KCND3: variants seen among roughly 807,000 people sequenced by gnomAD.
KCND3 encodes potassium voltage-gated channel subfamily D member 3, also known as A-type voltage-gated potassium channel KCND3.
KCND3 carries 9 observed loss-of-function variants against 51.1 expected under a neutral mutation model. The observed-to-expected ratio is 0.18, with a 90% CI of 0.11 to 0.31. The LOEUF (loss-of-function observed/expected upper bound fraction) is 0.31, where lower values mean the gene tolerates loss of function less well. KCND3 is among the 10% of genes least tolerant of loss of function. The probability of loss-of-function intolerance (pLI) is 1.00; values close to 1 mark genes in which losing one functional copy is unlikely to be tolerated. For missense variants in KCND3, 526 were observed against 903.8 expected (o/e 0.58, Z 5.36); for synonymous variants, 349 against 368.0 (o/e 0.95, Z 0.59).
intron 2 of KCND3, among the ~76,000 whole-genome samples, chr1:111,789,302 C>T (rs1664733681): frequency 6.6e-6 from 1 of 152,264 alleles, no homozygotes; most frequent in South Asian, 2.1e-4. Context: ...GAACAATCCA[C>T]TCCCAGGCGT....
intron 2 of KCND3, among the ~76,000 whole-genome samples, chr1:111,933,951 G>A (rs1458169911): frequency 6.6e-6 from 1 of 152,196 alleles, no homozygotes; most frequent in African/African-American, 2.4e-5. Context: ...ATAGGCAGGA[G>A]GCACAGATCA....
At chr1:111,852,842 G>C (rs1416854590) in intron 2 of KCND3, among the ~76,000 whole-genome samples, 1 of 152,174 alleles carries the variant, frequency 6.6e-6, no homozygotes, top group Non-Finnish European at 1.5e-5. Flanking sequence ...GGCTTGCCTA[G>C]TGGTGGTTTT....
At chr1:111,829,150 G>A (rs577350814) in intron 2 of KCND3, among the ~76,000 whole-genome samples, 3 of 152,332 alleles carry the variant, frequency 2.0e-5, no homozygotes, top group Admixed American at 6.5e-5. Context: ...TCATGGTCAC[G>A]AAATTGGAAA....
intron 2 of KCND3, among the ~76,000 whole-genome samples, chr1:111,810,833 G>T (rs2101572923): frequency 6.6e-6 from 1 of 152,296 alleles, no homozygotes; most frequent in African/African-American, 2.4e-5. Flanking sequence ...TTTTATGTGG[G>T]TGTGTGCAAA....
intron 1 of KCND3, among the ~76,000 whole-genome samples, chr1:111,984,634 A>C (rs149226844): frequency 6.6e-6 from 1 of 152,148 alleles, no homozygotes. Context: ...CTACAAAATA[A>C]AGTCCAAACT....
At chr1:111,819,150 C>T (rs1233816422) in intron 2 of KCND3, among the ~76,000 whole-genome samples, 2 of 152,154 alleles carry the variant, frequency 1.3e-5, no homozygotes, top group Non-Finnish European at 2.9e-5. Flanking sequence ...TGTGCACACA[C>T]AGCCTCTCAC....
intron 2 of KCND3, among the ~76,000 whole-genome samples, chr1:111,863,945 T>C (rs1490588457): frequency 1.3e-5 from 2 of 151,964 alleles, no homozygotes; most frequent in Non-Finnish European, 2.9e-5. Context: ...GAGGCTAGAC[T>C]TGATGATGAT....
chr1:111,786,806 G>T, intron 3 of KCND3, 138 bp downstream of exon 3: 1 of 978,842 alleles, frequency 1.0e-6, no homozygotes, highest in East Asian at 2.4e-5. Context: ...TGAGCAGGAA[G>T]GGACTGAAGC....
chr1:111,881,368 G>A (rs976600400), intron 2 of KCND3, among the ~76,000 whole-genome samples: 5 of 152,194 alleles, frequency 3.3e-5, no homozygotes, highest in Admixed American at 6.5e-5. Context: ...GCACACTTGA[G>A]CTTGGCAGCC....
intron 2 of KCND3, among the ~76,000 whole-genome samples, chr1:111,953,623 G>A (rs1189118296): frequency 2.0e-5 from 3 of 152,244 alleles, no homozygotes; most frequent in Admixed American, 1.3e-4. Context: ...GGGAGAGGGC[G>A]TCACATGCAT....
At chr1:111,886,386 G>A (rs1669573848) in intron 2 of KCND3, among the ~76,000 whole-genome samples, 1 of 152,202 alleles carries the variant, frequency 6.6e-6, no homozygotes, top group African/African-American at 2.4e-5. Flanking sequence ...TGACCTAGAT[G>A]GCAAAGGCCT....
At chr1:111,900,504 G>A (rs914857963) in intron 2 of KCND3, among the ~76,000 whole-genome samples, 2 of 152,224 alleles carry the variant, frequency 1.3e-5, no homozygotes, top group Non-Finnish European at 2.9e-5. Context: ...ACAATTAGAT[G>A]AATGCAGTGT....
chr1:111,916,468 A>AAC lies in KCND3; in HGVS notation c.1106+65152_1106+65153insGT, dbSNP rs1671223388. ...ATTAAATGTTTATACTGGAAAATAA[A>AAC]CAAGTCTCAAATCAATGATCTAAGC... On this transcript the variant is annotated intron_variant, in intron 2 of 7. Transcript: ENST00000302127. Among the ~76,000 whole-genome samples the AAC allele has an allele frequency of 4.6e-5, 7 of 152,206 alleles. No homozygotes were observed. In the South Asian group the frequency reaches 1.4e-3, roughly 31 times the overall value.
chr1:111,931,852 C>T (rs909588855), intron 2 of KCND3, among the ~76,000 whole-genome samples: 8 of 152,260 alleles, frequency 5.3e-5, no homozygotes, highest in African/African-American at 1.9e-4. Flanking sequence ...ATGGGCCAGA[C>T]TGACATGGAA....
At chr1:111,839,045 C>T (rs2101636694) in intron 2 of KCND3, among the ~76,000 whole-genome samples, 1 of 152,302 alleles carries the variant, frequency 6.6e-6, no homozygotes, top group South Asian at 2.1e-4. Context: ...CTATCTCTTT[C>T]CCAAGTGCAC....
At position 111,981,346 on chromosome 1, in the gene KCND3, G is replaced by A. The variant is rs1311932110; in HGVS notation, c.1106+275C>T. Among the ~76,000 whole-genome samples, 2 of 151,712 alleles carry A rather than the reference G, an allele frequency of 1.3e-5. No homozygotes were observed. Among genetic ancestry groups the A allele is most frequent in the East Asian group, 3.9e-4 (2 of 5,168 alleles). ...ACCCCGAGACTTCACACGCACACAA[G>A]GCATGGCTGAAAAAAGAATTGGTGA... On this transcript the variant is annotated intron_variant, in intron 2 of 7. Transcript: ENST00000302127. The surrounding 1 kb of genome is among the most constrained non-coding windows in gnomAD (Gnocchi z 6.2).
intron 6 of KCND3, 78 bp from the exon 7 acceptor site, chr1:111,777,351 G>A: frequency 1.3e-6 from 2 of 1,485,016 alleles, no homozygotes; most frequent in East Asian, 2.3e-5. Flanking sequence ...CTGTATGGCT[G>A]CCTGTCTCTG....
rs1674998563 is a variant in KCND3 at position 111,982,295 on chromosome 1, G to A, written c.432C>T (p.Ala144=). Residue 144 remains alanine, a synonymous_variant, in exon 2 of 8, where the codon GCC becomes GCT. Coordinates refer to ENST00000302127, the MANE Select transcript of KCND3 (RefSeq NM_001378969.1). This position sits in a 1 kb window ranked among gnomAD's most constrained non-coding sequence, Gnocchi z 8.5. ...EEYKDRKREN[A]ERLMDDNDSE... ...AGTCGTTGTCGTCCATGAGCCGCTC[G>A]GCGTTCTCCCTCTTGCGGTCCTTGT... The A allele has an allele frequency of 1.2e-6, 2 of 1,614,094 alleles. No individual in the cohort carries two copies. The highest frequency in any genetic ancestry group is 1.7e-6 in the Non-Finnish European group (2 of 1,180,034).
At chr1:111,904,514 G>A (rs1490824104) in intron 2 of KCND3, among the ~76,000 whole-genome samples, 1 of 152,168 alleles carries the variant, frequency 6.6e-6, no homozygotes, top group Non-Finnish European at 1.5e-5. Flanking sequence ...CCCCACGTGA[G>A]TGTGCCTAAT....
Sources: allele counts gnomAD v4.1 joint callset (sites outside exome capture counted in the v4.1 genomes callset), GRCh38; gene constraint gnomAD v4.1.1; non-coding constraint Gnocchi (gnomAD v3.1); transcripts MANE v1.5; gene names NCBI Gene and HGNC (gene_info 2026-07-23, HGNC 2026-07-21).